The following EMCN variants were observed in gnomAD, a reference collection of about 807,000 sequenced individuals.
EMCN encodes MUC-14.
EMCN carries 37 observed loss-of-function variants against 38.4 expected under a neutral mutation model. The observed-to-expected ratio is 0.96, with a 90% CI of 0.74 to 1.27. EMCN has a LOEUF of 1.27. Among genes scored for constraint, EMCN ranks in the 50% most tolerant of loss-of-function variants. The probability of loss-of-function intolerance (pLI) is 0.00; values close to 1 mark genes in which losing one functional copy is unlikely to be tolerated. For missense variants in EMCN, 318 were observed against 302.8 expected (o/e 1.05, Z -0.37); for synonymous variants, 95 against 100.8 (o/e 0.94, Z 0.35).
intron 4 of EMCN, among the ~76,000 whole-genome samples, chr4:100,457,112 A>G (rs1369150929): frequency 6.6e-6 from 1 of 151,584 alleles, no homozygotes; most frequent in Non-Finnish European, 1.5e-5. Context: ...ATATAGATGT[A>G]TTTATTTCAG....
intron 1 of EMCN, among the ~76,000 whole-genome samples, chr4:100,505,073 G>T (rs1430260815): frequency 1.3e-5 from 2 of 152,186 alleles, no homozygotes; most frequent in African/African-American, 2.4e-5. Flanking sequence ...TGCCAGGCAG[G>T]GAAGGGCCCC....
chr4:100,462,450 A>G (rs1728206181), intron 4 of EMCN, among the ~76,000 whole-genome samples: 1 of 152,190 alleles, frequency 6.6e-6, no homozygotes, highest in Non-Finnish European at 1.5e-5. Context: ...AATAGGTTTA[A>G]TAAATCACAG....
intron 4 of EMCN, among the ~76,000 whole-genome samples, chr4:100,451,788 C>T (rs1727846015): frequency 6.6e-6 from 1 of 151,848 alleles, no homozygotes; most frequent in Non-Finnish European, 1.5e-5. Context: ...CTTACTTTGC[C>T]TGGCTTTTAT....
intron 1 of EMCN, among the ~76,000 whole-genome samples, chr4:100,509,964 A>C (rs1364506083): frequency 6.6e-6 from 1 of 152,162 alleles, no homozygotes; most frequent in Non-Finnish European, 1.5e-5. Flanking sequence ...TCCCATTGTC[A>C]TGTAACACCA....
chr4:100,455,148 CTTTTT>C (rs1221038143), intron 4 of EMCN, among the ~76,000 whole-genome samples: 4 of 151,674 alleles, frequency 2.6e-5, no homozygotes, highest in Admixed American at 2.6e-4. Context: ...TGGATTGAGT[CTTTTT>C]TTAAGATTTT....
intron 5 of EMCN, among the ~76,000 whole-genome samples, chr4:100,425,887 T>C (rs1008832332): frequency 2.0e-5 from 3 of 152,100 alleles, no homozygotes; most frequent in African/African-American, 7.2e-5. Flanking sequence ...TTAGATGACA[T>C]AGATTTGTTC....
chr4:100,401,289 A>C (rs1441131988), intron 11 of EMCN, among the ~76,000 whole-genome samples: 1 of 152,212 alleles, frequency 6.6e-6, no homozygotes, highest in Non-Finnish European at 1.5e-5. Context: ...CAATACATTA[A>C]TAAAAAATAA....
intron 11 of EMCN, among the ~76,000 whole-genome samples, chr4:100,409,253 C>T (rs539586571): frequency 2.6e-5 from 4 of 151,588 alleles, no homozygotes; most frequent in South Asian, 4.2e-4. Context: ...TGTTAGTTGC[C>T]GAAAGGTAGA....
At chr4:100,458,150 A>G (rs549797501) in intron 4 of EMCN, among the ~76,000 whole-genome samples, 3 of 151,574 alleles carry the variant, frequency 2.0e-5, no homozygotes, top group Admixed American at 6.6e-5. Flanking sequence ...TTATTTTTTT[A>G]TAAGAGTTTG....
intron 4 of EMCN, among the ~76,000 whole-genome samples, chr4:100,463,492 A>G (rs1413779386): frequency 6.6e-6 from 1 of 152,164 alleles, no homozygotes; most frequent in African/African-American, 2.4e-5. Context: ...ACAAAGCTTT[A>G]TAAAAAATAT....
chr4:100,513,944 C>T (rs1729691068), intron 1 of EMCN, among the ~76,000 whole-genome samples: 1 of 152,028 alleles, frequency 6.6e-6, no homozygotes, highest in African/African-American at 2.4e-5. Flanking sequence ...AGAAATAAGA[C>T]ATTCATGCAA....
At chr4:100,473,379 T>TTTG (rs1553930784) in intron 3 of EMCN, among the ~76,000 whole-genome samples, 4 of 123,310 alleles carry the variant, frequency 3.2e-5, no homozygotes, top group African/African-American at 1.1e-4. Context: ...TTTTGTTTTT[T>TTTG]TTTTTTGTTT....
chr4:100,448,282 A>T (rs1392320658), intron 4 of EMCN, among the ~76,000 whole-genome samples: 1 of 152,108 alleles, frequency 6.6e-6, no homozygotes, highest in East Asian at 1.9e-4. Flanking sequence ...AAATACAGAA[A>T]ATAATCTTGA....
chr4:100,491,194 T>C (rs1382584640), intron 1 of EMCN, among the ~76,000 whole-genome samples: 1 of 152,190 alleles, frequency 6.6e-6, no homozygotes, highest in Non-Finnish European at 1.5e-5. Flanking sequence ...TTTTGTTGCC[T>C]GCATGTGGGG....
intron 4 of EMCN, among the ~76,000 whole-genome samples, chr4:100,464,317 A>G (rs1728258556): frequency 6.6e-6 from 1 of 151,952 alleles, no homozygotes; most frequent in African/African-American, 2.4e-5. Context: ...TTCTACGTAG[A>G]TAATTATGTA....
rs1728688600 is a variant in EMCN, at chr4:100,477,325, A to G, written c.188-2216T>C. Among the ~76,000 whole-genome samples, 3 of 151,976 alleles carry G rather than the reference A, an allele frequency of 2.0e-5. No homozygotes were observed. In the South Asian group the frequency reaches 6.2e-4, roughly 32 times the overall value. On this transcript the variant is annotated intron_variant, in intron 2 of 11. Transcript: ENST00000296420. ...GTTCATTTTATGATAGGGATATTCA[A>G]CATCTGTCAAATGTTGATTTTTAAC...
chr4:100,438,340 T>C (rs1727413435), intron 5 of EMCN, among the ~76,000 whole-genome samples: 1 of 152,062 alleles, frequency 6.6e-6, no homozygotes, highest in South Asian at 2.1e-4. Flanking sequence ...CCATGGTAAG[T>C]CAGAAAGCAT....
chr4:100,452,916 A>G (rs1727888642), intron 4 of EMCN, among the ~76,000 whole-genome samples: 1 of 152,160 alleles, frequency 6.6e-6, no homozygotes, highest in South Asian at 2.1e-4. Flanking sequence ...TGACAAAAAC[A>G]AGCAATAGGG....
intron 1 of EMCN, chr4:100,483,538 A>G (rs1728867467): frequency 6.6e-6 from 1 of 152,148 alleles, no homozygotes; most frequent in Non-Finnish European, 1.5e-5. Context: ...ACATATATAC[A>G]TGTGTATGTA....
Sources: allele counts gnomAD v4.1 joint callset (sites outside exome capture counted in the v4.1 genomes callset), GRCh38; gene constraint gnomAD v4.1.1; transcripts MANE v1.5; gene names NCBI Gene and HGNC (gene_info 2026-07-23, HGNC 2026-07-21).